Variants in ASTN2 observed in about 807,000 individuals in gnomAD.
ASTN2 encodes astrotactin-2.
Under a neutral mutation model 139.8 loss-of-function variants are expected in ASTN2, and 54 were observed. That is an observed-to-expected ratio of 0.39 (90% CI 0.31 to 0.48). The LOEUF is 0.48. Ranked by LOEUF, ASTN2 falls within the 20% of genes least tolerant of loss-of-function variation. The probability of loss-of-function intolerance (pLI) is 0.95; values close to 1 mark genes in which losing one functional copy is unlikely to be tolerated. For missense variants in ASTN2, 1,565 were observed against 1,725.1 expected (o/e 0.91, Z 1.64); for synonymous variants, 756 against 719.5 (o/e 1.05, Z -0.81).
At chr9:117,268,608 G>A (rs1190155030) in intron 2 of ASTN2, among the ~76,000 whole-genome samples, 1 of 152,170 alleles carries the variant, frequency 6.6e-6, no homozygotes, top group African/African-American at 2.4e-5. Context: ...CTTCATCTGG[G>A]AATAAAGATT....
At chr9:117,141,713 T>C (rs1281799503) in intron 3 of ASTN2, among the ~76,000 whole-genome samples, 1 of 152,240 alleles carries the variant, frequency 6.6e-6, no homozygotes, top group Admixed American at 6.5e-5. Flanking sequence ...ATTTACTACG[T>C]TCCAGGTACT....
chr9:117,133,676 T>G (rs1409138056), intron 4 of ASTN2, among the ~76,000 whole-genome samples: 1 of 152,112 alleles, frequency 6.6e-6, no homozygotes, highest in African/African-American at 2.4e-5. Flanking sequence ...GAATAAAAGA[T>G]AGTAAATGAC....
chr9:117,393,533 A>T (rs1830598374), intron 1 of ASTN2, among the ~76,000 whole-genome samples: 1 of 152,176 alleles, frequency 6.6e-6, no homozygotes, highest in South Asian at 2.1e-4. Flanking sequence ...GGGAGGAGAA[A>T]AGAGAGGAGA....
chr9:117,046,500 T>C (rs998037234), intron 5 of ASTN2, among the ~76,000 whole-genome samples: 1 of 152,186 alleles, frequency 6.6e-6, no homozygotes, highest in African/African-American at 2.4e-5. Context: ...ATGTCTGACA[T>C]ATACTTAGGG....
intron 20 of ASTN2, among the ~76,000 whole-genome samples, chr9:116,443,251 C>T (rs1847891802): frequency 6.6e-6 from 1 of 152,028 alleles, no homozygotes; most frequent in African/African-American, 2.4e-5. Flanking sequence ...GGGGAAAGAG[C>T]ATTCTAGGTA....
intron 10 of ASTN2, among the ~76,000 whole-genome samples, chr9:116,919,939 T>C (rs999368338): frequency 7.7e-5 from 5 of 65,086 alleles, no homozygotes; most frequent in African/African-American, 1.8e-4. Flanking sequence ...AGAATCTGTC[T>C]CAAAAAAAAA....
chr9:116,538,563 A>T (rs138694515), intron 19 of ASTN2, among the ~76,000 whole-genome samples: 1 of 152,314 alleles, frequency 6.6e-6, no homozygotes, highest in Non-Finnish European at 1.5e-5. Flanking sequence ...AATTCACTCA[A>T]GTTTTAAGGT....
chr9:116,613,943 T>C (rs943866830), intron 19 of ASTN2, among the ~76,000 whole-genome samples: 3 of 152,152 alleles, frequency 2.0e-5, no homozygotes, highest in Non-Finnish European at 2.9e-5. Flanking sequence ...ATTGTCCCTG[T>C]TTGCAGATGA....
chr9:116,620,393 A>C lies in ASTN2; in HGVS notation c.3123T>G (p.Asp1041Glu). 6.2e-7 allele frequency: 1 copy of C among 1,614,148 alleles called. No homozygotes were observed. The highest frequency in any genetic ancestry group is 8.5e-7 in the Non-Finnish European group (1 of 1,180,018). Residue 1041 changes from aspartate (D) to glutamate (E), a missense_variant, in exon 18 of 23, where the codon GAT becomes GAG. Asp to Glu is a conservative substitution (Grantham distance 45). Around this residue, in one of 4 missense-constraint regions of ASTN2, gnomAD observed 418 missense variants for 465.8 expected, o/e 0.90. Coordinates refer to ENST00000313400, the MANE Select transcript of ASTN2 (RefSeq NM_001365068.1). ...CACACCTGCACCAGTCATCGATCAC[A>C]TCCCCTTTCCCTGAGCACCAGTAGG... ...MSSYWCSGKG[D>E]VIDDWCRCDL...
chr9:117,206,301 C>T (rs1366832039), intron 3 of ASTN2, among the ~76,000 whole-genome samples: 3 of 152,160 alleles, frequency 2.0e-5, no homozygotes, highest in African/African-American at 7.2e-5. Flanking sequence ...AAACTTCTCA[C>T]TGTGGGGAAA....
chr9:116,894,592 C>T (rs1416134145), intron 10 of ASTN2, among the ~76,000 whole-genome samples: 8 of 152,232 alleles, frequency 5.3e-5, no homozygotes, highest in Admixed American at 2.6e-4. Flanking sequence ...CAGGCTCAAG[C>T]GATCCTCCTG....
chr9:116,955,651 A>G (rs1203572466), intron 10 of ASTN2, among the ~76,000 whole-genome samples: 1 of 152,216 alleles, frequency 6.6e-6, no homozygotes, highest in African/African-American at 2.4e-5. Flanking sequence ...CTTTGGATCC[A>G]TGTAGGCAAA....
At chr9:116,710,174 C>T (rs372391343) in intron 16 of ASTN2, among the ~76,000 whole-genome samples, 3 of 152,184 alleles carry the variant, frequency 2.0e-5, no homozygotes, top group East Asian at 3.9e-4. Context: ...CCTTACCCTA[C>T]ACCCCTCACC....
intron 16 of ASTN2, among the ~76,000 whole-genome samples, chr9:116,661,364 C>A (rs1276940147): frequency 6.6e-6 from 1 of 152,040 alleles, no homozygotes; most frequent in African/African-American, 2.4e-5. Context: ...GCCAGGGAAA[C>A]AGTAAAAGCT....
At chr9:116,892,805 T>G (rs1833795681) in intron 10 of ASTN2, among the ~76,000 whole-genome samples, 1 of 152,176 alleles carries the variant, frequency 6.6e-6, no homozygotes, top group Non-Finnish European at 1.5e-5. Context: ...CTGCCTAATA[T>G]GAGGACTGTC....
intron 19 of ASTN2, chr9:116,611,342 C>T (rs565486408): frequency 6.6e-6 from 1 of 152,152 alleles, no homozygotes; most frequent in South Asian, 2.1e-4. Context: ...CCTCAGCTAC[C>T]ATTTCAAAAA....
intron 12 of ASTN2, among the ~76,000 whole-genome samples, chr9:116,818,811 T>C (rs1428778593): frequency 6.6e-6 from 1 of 152,164 alleles, no homozygotes; most frequent in Non-Finnish European, 1.5e-5. Context: ...ATTATCCCTG[T>C]TTTACAGATG....
chr9:116,927,431 G>A (rs192008917), intron 10 of ASTN2, among the ~76,000 whole-genome samples: 4 of 152,248 alleles, frequency 2.6e-5, no homozygotes, highest in African/African-American at 9.6e-5. Flanking sequence ...GAAGCTGGTG[G>A]GTTTTGCTTT....
chr9:116,673,757 G>A (rs1859336208), intron 16 of ASTN2, among the ~76,000 whole-genome samples: 5 of 152,160 alleles, frequency 3.3e-5, no homozygotes. Flanking sequence ...ATATGGCCCT[G>A]GTGACACCTT....
Sources: gnomAD v4.1 joint callset for allele counts (sites outside exome capture counted in the v4.1 genomes callset) on GRCh38, gnomAD v4.1.1 for gene constraint, gnomAD v4.1.1 regional missense constraint, MANE v1.5 for transcripts, NCBI Gene and HGNC (gene_info 2026-07-23, HGNC 2026-07-21) for gene names.